RABGAP1L: variants seen among roughly 807,000 people sequenced by gnomAD.
The protein encoded by RABGAP1L is rab GTPase-activating protein 1-like.
In RABGAP1L, 63 loss-of-function variants were observed where a neutral mutation model predicts 137.7. That is an observed-to-expected ratio of 0.46 (90% CI 0.37 to 0.56). The LOEUF (loss-of-function observed/expected upper bound fraction) is 0.56, where lower values mean the gene tolerates loss of function less well. Ranked by LOEUF, RABGAP1L falls within the 20% of genes least tolerant of loss-of-function variation. RABGAP1L has a pLI of 0.00. For synonymous variants in RABGAP1L, 431 were observed against 433.7 expected, an observed-to-expected ratio of 0.99 and a Z score of 0.08; for missense variants, 1,095 against 1,244.0, an observed-to-expected ratio of 0.88 and a Z score of 1.80.
chr1:174,627,489 C>T (rs1572585486), intron 13 of RABGAP1L, among the ~76,000 whole-genome samples: 1 of 152,206 alleles, frequency 6.6e-6, no homozygotes, highest in African/African-American at 2.4e-5. Flanking sequence ...TCATGTAATA[C>T]TCTTGATAAC....
chr1:174,992,625 C>CT lies in RABGAP1L; in HGVS notation c.*2627dup, dbSNP rs1201731252. ...CCTAAACTCTCCTTCACTGCAATGC[C>CT]TTTGAGTCAGTAGCAATAGTAAAGA... is the stretch of plus-strand genomic sequence containing the variant. On this transcript the variant is annotated 3_prime_UTR_variant, in exon 26 of 26. Transcript: ENST00000681986. 6.6e-6 allele frequency: 1 copy of CT among 151,762 alleles called. No homozygotes were observed. Among genetic ancestry groups the CT allele is most frequent in the Non-Finnish European group, 1.5e-5 (1 of 67,978 alleles). 9.4% of individuals were successfully genotyped at this position (151,762 alleles called of 1,614,324 possible).
intron 18 of RABGAP1L, among the ~76,000 whole-genome samples, chr1:174,783,450 G>A (rs959681886): frequency 1.1e-4 from 16 of 152,068 alleles, no homozygotes; most frequent in African/African-American, 2.6e-4. Flanking sequence ...CCCTGCCCCC[G>A]CCGCCCGTAA....
chr1:174,718,149 A>G (rs60665754), intron 17 of RABGAP1L, among the ~76,000 whole-genome samples: 11,944 of 151,934 alleles, frequency 0.079, 651 homozygotes, highest in East Asian at 0.32. Context: ...TTGTCTTCTT[A>G]TTTTATTCTT....
chr1:174,863,216 A>G (rs1371441118), intron 19 of RABGAP1L, among the ~76,000 whole-genome samples: 1 of 78,600 alleles, frequency 1.3e-5, no homozygotes, highest in Non-Finnish European at 2.3e-5. Flanking sequence ...ATTAATTTGT[A>G]CATGAGTTGT....
At position 174,569,502 on chromosome 1, in the gene RABGAP1L, C is replaced by T. The variant is rs557077445; in HGVS notation, c.1711-67873C>T. 6.2e-4 allele frequency among the ~76,000 whole-genome samples: 95 copies of T among 152,290 alleles called. 3 individuals are homozygous for T. In the South Asian group the frequency reaches 0.019, roughly 30 times the overall value. ...TGTACTGCCAACCTTTGGGCATTTA[C>T]ATTAGAAAGAAAAATAAGCTGCTCT... is the stretch of plus-strand genomic sequence containing the variant. On this transcript the variant is annotated intron_variant, in intron 13 of 25. Coordinates refer to ENST00000681986, the MANE Select transcript of RABGAP1L (RefSeq NM_001366446.1).
At chr1:174,909,552 A>G (rs190664786) in intron 19 of RABGAP1L, among the ~76,000 whole-genome samples, 1 of 152,356 alleles carries the variant, frequency 6.6e-6, no homozygotes, top group African/African-American at 2.4e-5. Flanking sequence ...ACAAATGGAA[A>G]TGGAATAAAA....
intron 9 of RABGAP1L, among the ~76,000 whole-genome samples, chr1:174,277,435 T>C (rs996401586): frequency 1.3e-5 from 2 of 151,840 alleles, no homozygotes; most frequent in African/African-American, 4.8e-5. Flanking sequence ...ATGTTTTTAA[T>C]GTAACACCTA....
intron 13 of RABGAP1L, among the ~76,000 whole-genome samples, chr1:174,554,749 G>C (rs1439935381): frequency 1.3e-5 from 2 of 152,108 alleles, no homozygotes; most frequent in African/African-American, 2.4e-5. Flanking sequence ...AAATGTTTGT[G>C]GGGGGTGAGT....
At chr1:174,472,458 A>G (rs1320079932) in intron 13 of RABGAP1L, among the ~76,000 whole-genome samples, 1 of 152,204 alleles carries the variant, frequency 6.6e-6, no homozygotes, top group Non-Finnish European at 1.5e-5. Flanking sequence ...GTGATTTGCT[A>G]GGACTAACAG....
In RABGAP1L at chr1:174,620,208, C is replaced by A. The variant is rs534383030; in HGVS notation, c.1711-17167C>A. On this transcript the variant is annotated intron_variant, in intron 13 of 25. Transcript: ENST00000681986. Reference sequence around the variant, plus strand: ...TGGGAGACTTTAACACCCCACTGTCCACATTAGACAGATCAATGAGACAGA... The same window carrying A: ...TGGGAGACTTTAACACCCCACTGTCAACATTAGACAGATCAATGAGACAGA... Among the ~76,000 whole-genome samples the A allele has an allele frequency of 1.1e-3, 173 of 152,236 alleles. No individual in the cohort carries two copies. The Middle Eastern group carries it at 0.024, about 21-fold the overall frequency.
intron 16 of RABGAP1L, chr1:174,700,782 TA>T (rs547143475): frequency 1.0e-5 from 2 of 198,010 alleles, no homozygotes; most frequent in South Asian, 1.8e-4. Context: ...AGCTCCTTTT[TA>T]ACGATTTAAT....
chr1:174,445,946 G>A lies in RABGAP1L; in HGVS notation c.1710+51801G>A, dbSNP rs967775767. 3.9e-5 allele frequency among the ~76,000 whole-genome samples: 6 copies of A among 152,260 alleles called. No individual in the cohort carries two copies. The South Asian group carries it at 1.2e-3, about 32-fold the overall frequency. ...TTGTCAGTCTTGATCGGAGCTTGCCGAGTAAGTCTATAAGCCTGCATGTGC... is the reference window on the plus strand; with the variant it reads ...TTGTCAGTCTTGATCGGAGCTTGCCAAGTAAGTCTATAAGCCTGCATGTGC... On this transcript the variant is annotated intron_variant, in intron 13 of 25. Transcript: ENST00000681986.
intron 17 of RABGAP1L, among the ~76,000 whole-genome samples, chr1:174,712,080 G>A (rs1447917320): frequency 2.0e-5 from 3 of 152,132 alleles, no homozygotes; most frequent in East Asian, 1.9e-4. Context: ...TTGTAAACAC[G>A]CCAGTCAGCA....
chr1:174,985,048 A>C (rs1671466335), intron 24 of RABGAP1L, among the ~76,000 whole-genome samples: 1 of 152,240 alleles, frequency 6.6e-6, no homozygotes, highest in African/African-American at 2.4e-5. Context: ...TACCTAATGA[A>C]AGGCCATGAC....
chr1:174,316,890 T>C (rs1679424695), intron 11 of RABGAP1L, among the ~76,000 whole-genome samples: 1 of 152,034 alleles, frequency 6.6e-6, no homozygotes, highest in Non-Finnish European at 1.5e-5. Context: ...CTCTCCACTT[T>C]CCAAAGGCAG....
At chr1:174,495,268 T>G (rs1218213413) in intron 13 of RABGAP1L, among the ~76,000 whole-genome samples, 1 of 152,160 alleles carries the variant, frequency 6.6e-6, no homozygotes, top group Non-Finnish European at 1.5e-5. Context: ...AGAGTGAAAT[T>G]TAGCTTAGTT....
At chr1:174,438,989 TC>T (rs1309548942) in intron 13 of RABGAP1L, among the ~76,000 whole-genome samples, 1 of 151,620 alleles carries the variant, frequency 6.6e-6, no homozygotes, top group African/African-American at 2.4e-5. Context: ...TCTAGTGGGC[TC>T]TTGGGAAGAC....
intron 11 of RABGAP1L, among the ~76,000 whole-genome samples, chr1:174,347,686 C>A (rs576077232): frequency 6.6e-6 from 1 of 151,978 alleles, no homozygotes; most frequent in Non-Finnish European, 1.5e-5. Flanking sequence ...AGTGGAGATG[C>A]GGTTTCACCG....
chr1:174,453,912 T>G (rs1255887506), intron 13 of RABGAP1L, among the ~76,000 whole-genome samples: 3 of 152,238 alleles, frequency 2.0e-5, no homozygotes, highest in Admixed American at 6.5e-5. Context: ...TTTTAATTTT[T>G]TACAATGAGC....
Sources: gnomAD v4.1 joint callset for allele counts (sites outside exome capture counted in the v4.1 genomes callset) on GRCh38, gnomAD v4.1.1 for gene constraint, MANE v1.5 for transcripts, NCBI Gene and HGNC (gene_info 2026-07-23, HGNC 2026-07-21) for gene names.